ACACB: variants seen among roughly 807,000 people sequenced by gnomAD.
The protein encoded by ACACB is acetyl-CoA carboxylase beta, also known as acetyl-CoA carboxylase 2.
ACACB carries 209 observed loss-of-function variants against 278.8 expected under a neutral mutation model. The ratio of observed to expected loss-of-function variants is 0.75; its 90% CI spans 0.67 to 0.84. The LOEUF (loss-of-function observed/expected upper bound fraction) is 0.84. ACACB is among the 40% of genes least tolerant of loss of function. The pLI, the probability that ACACB is intolerant of heterozygous loss-of-function variation, is 0.00. For missense variants in ACACB, 2,850 were observed against 3,269.0 expected (o/e 0.87, Z 3.13); for synonymous variants, 1,174 against 1,285.6 (o/e 0.91, Z 1.86).
chr12:109,198,630 A>G (rs912574683), intron 17 of ACACB, among the ~76,000 whole-genome samples: 1 of 151,970 alleles, frequency 6.6e-6, no homozygotes, highest in Non-Finnish European at 1.5e-5. Flanking sequence ...CAGGGAGGTC[A>G]AGGCTTCAGT....
At chr12:109,220,643 C>T (rs1409683866) in intron 24 of ACACB, among the ~76,000 whole-genome samples, 1 of 152,158 alleles carries the variant, frequency 6.6e-6, no homozygotes, top group Non-Finnish European at 1.5e-5. Flanking sequence ...CCTCTGCCTC[C>T]TGGGTTCAAG....
At chr12:109,220,533 GTGTTGTTGT>G (rs113239494) in intron 24 of ACACB, among the ~76,000 whole-genome samples, 2 of 151,974 alleles carry the variant, frequency 1.3e-5, no homozygotes, top group Non-Finnish European at 2.9e-5. Flanking sequence ...AAGAAAAATG[GTGTTGTTGT>G]TGTTGTTGTT....
At chr12:109,154,753 C>G (rs11609393) in intron 2 of ACACB, 27,688 of 152,780 alleles carry the variant, frequency 0.18, 2,726 homozygotes, top group East Asian at 0.25. Context: ...CCGCGGCGCT[C>G]TAGGACTGCA....
At chr12:109,255,095 T>TACACAC (rs112899240) in intron 44 of ACACB, among the ~76,000 whole-genome samples, 147 of 149,238 alleles carry the variant, frequency 9.9e-4, no homozygotes, top group African/African-American at 3.0e-3. Flanking sequence ...CTTCTATACC[T>TACACAC]ACACACACAC....
rs372168822 is a variant in ACACB, at chr12:109,185,697, G to T, written c.1937G>T (p.Gly646Val). ...CCCTCAAACCCTCCCCTCGCCCGAG[G>T]CCACGTCATTGCCGCCAGAATCACC... ...ETPSNPPLARGHVIAARITSE... is the reference protein window; with the variant it reads ...ETPSNPPLARVHVIAARITSE... The change falls in exon 12 of 53, where the codon GGC (glycine) becomes GTC (valine). Residue 646 changes from glycine (G) to valine (V), a missense_variant. This residue lies in a region of ACACB where 2,265 missense variants were observed against 2,561.3 expected (regional missense o/e 0.88). Coordinates refer to ENST00000338432, the MANE Select transcript of ACACB (RefSeq NM_001093.4). 6 of 1,595,300 alleles carry T rather than the reference G, an allele frequency of 3.8e-6. No homozygotes were observed. In the Admixed American group the frequency reaches 1.0e-4, roughly 28 times the overall value.
chr12:109,267,314 G>A lies in ACACB; in HGVS notation c.*952G>A, dbSNP rs1425069158. On this transcript the variant is annotated 3_prime_UTR_variant, in exon 53 of 53. Coordinates refer to ENST00000338432, the MANE Select transcript of ACACB (RefSeq NM_001093.4). ...GGATTCTCTTTTTGAGAGAGGGAAA[G>A]CAAAATGAATGGAAGTACCCAGCTG... is the stretch of plus-strand genomic sequence containing the variant. The A allele has an allele frequency of 6.6e-6, 1 of 152,278 alleles. No individual in the cohort carries two copies. Among genetic ancestry groups the A allele is most frequent in the African/African-American group, 2.4e-5 (1 of 41,450 alleles). 9.4% of individuals were successfully genotyped at this position (152,278 alleles called of 1,614,324 possible).
intron 28 of ACACB, among the ~76,000 whole-genome samples, chr12:109,229,092 A>T (rs1482263931): frequency 2.0e-5 from 3 of 151,974 alleles, no homozygotes; most frequent in Non-Finnish European, 4.4e-5. Context: ...ACAGGCGCAC[A>T]CCACCATGCT....
At chr12:109,172,038 G>A (rs894450945) in intron 5 of ACACB, 124 bp downstream of exon 5, 5 of 862,024 alleles carry the variant, frequency 5.8e-6, no homozygotes, top group Admixed American at 2.4e-5. Flanking sequence ...AAATTCCTGG[G>A]CTGATGTAAC....
upstream of ACACB, among the ~76,000 whole-genome samples, chr12:109,115,814 C>T (rs1274113672): frequency 6.6e-6 from 1 of 152,248 alleles, no homozygotes; most frequent in Non-Finnish European, 1.5e-5. Flanking sequence ...ATCCCGTGCT[C>T]AGCGCTCTCG....
intron 21 of ACACB, among the ~76,000 whole-genome samples, chr12:109,210,325 A>ATATGTATATATACACACATATCTGTGTG (rs1565928011): frequency 5.9e-5 from 2 of 34,106 alleles, no homozygotes; most frequent in East Asian, 2.4e-3. Flanking sequence ...ATATCTGTGT[A>ATATGTATATATACACACATATCTGTGTG]TATATGTATA....
chr12:109,226,830 A>G (rs1565946122), intron 27 of ACACB, among the ~76,000 whole-genome samples: 1 of 152,018 alleles, frequency 6.6e-6, no homozygotes, highest in Non-Finnish European at 1.5e-5. Flanking sequence ...AGCCTAAAAT[A>G]TTTACTACCT....
In ACACB at chr12:109,265,496, G is replaced by T; in HGVS notation, c.7221G>T (p.Lys2407Asn). The T allele has an allele frequency of 6.2e-7, 1 of 1,613,764 alleles. No individual in the cohort carries two copies. The highest frequency in any genetic ancestry group is 8.5e-7 in the Non-Finnish European group (1 of 1,179,954). Residue 2407 changes from lysine (K) to asparagine (N), a missense_variant, in exon 52 of 53, where the codon AAG becomes AAT. By Grantham distance (94) the Lys-to-Asn change is moderately conservative. Around this residue, in one of 3 missense-constraint regions of ACACB, gnomAD observed 579 missense variants for 684.6 expected, o/e 0.85. Transcript: ENST00000338432. ...STIRENITYLKHDSVLKTIRG... is the reference protein window; with the variant it reads ...STIRENITYLNHDSVLKTIRG... ...TCCGTGAGAACATCACGTACCTGAAGCACGACTCTGTCCTCAAGACCATCC... is the reference window on the plus strand; with the variant it reads ...TCCGTGAGAACATCACGTACCTGAATCACGACTCTGTCCTCAAGACCATCC...
intron 12 of ACACB, among the ~76,000 whole-genome samples, chr12:109,187,516 A>G (rs968122702): frequency 6.6e-6 from 1 of 151,684 alleles, no homozygotes; most frequent in African/African-American, 2.4e-5. Context: ...GCGGGAGTGC[A>G]GTGGCGTAGT....
chr12:109,135,775 G>A (rs1349660133), intron 1 of ACACB, among the ~76,000 whole-genome samples: 5 of 147,828 alleles, frequency 3.4e-5, no homozygotes, highest in Admixed American at 3.4e-4. Context: ...AAATCCAGTT[G>A]TTCCAGCACC....
chr12:109,232,061 A>C (rs1256770469), intron 28 of ACACB, among the ~76,000 whole-genome samples: 1 of 152,212 alleles, frequency 6.6e-6, no homozygotes, highest in Non-Finnish European at 1.5e-5. Flanking sequence ...TCAGAAGAGC[A>C]GTGTGGGGCC....
chr12:109,249,739 G>A (rs1045992019), intron 40 of ACACB: 41 of 314,360 alleles, frequency 1.3e-4, no homozygotes, highest in Admixed American at 9.7e-4. Flanking sequence ...TAATCTGCCC[G>A]CCTCGTCCTC....
rs752188218 is a variant in ACACB at position 109,201,656 on chromosome 12, C to T, written c.2868C>T (p.Cys956=). 3 of 1,614,168 alleles carry T rather than the reference C, an allele frequency of 1.9e-6. No individual in the cohort carries two copies. The highest frequency in any genetic ancestry group is 2.2e-5 in the South Asian group (2 of 91,070). ...CAGGTGCCGTGCTGGAAGCAGGCTGCGTGGTGGCCAGGCTGGAGCTCGATG... is the reference window on the plus strand; with the variant it reads ...CAGGTGCCGTGCTGGAAGCAGGCTGTGTGGTGGCCAGGCTGGAGCTCGATG... ...KRPGAVLEAG[C]VVARLELDDP... The change falls in exon 19 of 53, where the codon TGC becomes TGT. Residue 956 remains cysteine, a synonymous_variant. Coordinates refer to ENST00000338432, the MANE Select transcript of ACACB (RefSeq NM_001093.4).
chr12:109,192,379 G>A (rs753790134), intron 15 of ACACB, among the ~76,000 whole-genome samples: 3 of 152,164 alleles, frequency 2.0e-5, no homozygotes, highest in Non-Finnish European at 2.9e-5. Context: ...TCTCTGTTAG[G>A]ATAGGCCGGG....
chr12:109,247,926 A>G (rs1453816397), intron 40 of ACACB, among the ~76,000 whole-genome samples: 1 of 152,226 alleles, frequency 6.6e-6, no homozygotes, highest in Non-Finnish European at 1.5e-5. Context: ...AAAAAATAGC[A>G]CGTCATGTAG....
Sources: gnomAD v4.1 joint callset for allele counts (sites outside exome capture counted in the v4.1 genomes callset) on GRCh38, gnomAD v4.1.1 for gene constraint, gnomAD v4.1.1 regional missense constraint, MANE v1.5 for transcripts, NCBI Gene and HGNC (gene_info 2026-07-23, HGNC 2026-07-21) for gene names.